The following HDGFL3 variants were observed in gnomAD, a reference collection of about 807,000 sequenced individuals.
The protein encoded by HDGFL3 is HDGF like 3.
HDGFL3 carries 6 observed loss-of-function variants against 27.6 expected under a neutral mutation model. The ratio of observed to expected loss-of-function variants is 0.22; its 90% confidence interval spans 0.12 to 0.43. HDGFL3 has a LOEUF of 0.43. Among genes scored for constraint, HDGFL3 ranks in the 20% least tolerant of loss-of-function variants. HDGFL3 has a pLI of 1.00. For missense variants in HDGFL3, 207 were observed against 250.1 expected (o/e 0.83, Z 1.16); for synonymous variants, 88 against 88.9 (o/e 0.99, Z 0.05).
At chr15:83,145,014 C>T (rs1465804458) in intron 5 of HDGFL3, among the ~76,000 whole-genome samples, 1 of 151,814 alleles carries the variant, frequency 6.6e-6, no homozygotes, top group Non-Finnish European at 1.5e-5. Context: ...TCCTTTCTGT[C>T]TCCTTCTGCT....
chr15:83,183,653 G>C lies in HDGFL3; in HGVS notation c.85-19578C>G, dbSNP rs534267401. ...GCACGCACCTGTAATCAGAGGTTGA[G>C]GCAGAATTGCTTGAACTCAGGAGGC... On this transcript the variant is annotated intron_variant, in intron 1 of 5. Transcript: ENST00000299633. 2.6e-5 allele frequency among the ~76,000 whole-genome samples: 4 copies of C among 152,016 alleles called. No homozygotes were observed. The South Asian group carries it at 8.3e-4, about 32-fold the overall frequency.
Position 83,138,479 on chromosome 15 carries a change from A to G in HDGFL3, c.*791T>C, listed in dbSNP as rs1205287540. The G allele has an allele frequency of 6.6e-6, 1 of 152,602 alleles. No individual in the cohort carries two copies. The highest frequency in any genetic ancestry group is 1.5e-5 in the Non-Finnish European group (1 of 68,006). 9.5% of individuals were successfully genotyped at this position (152,602 alleles called of 1,614,324 possible). On this transcript the variant is annotated 3_prime_UTR_variant, in exon 6 of 6. Transcript: ENST00000299633. ...AAAACAGTTTATTTTAAAAGTCTAC[A>G]TTTAAAAGTCAATGCTTTGTCTGGT...
chr15:83,192,118 T>C (rs766454578), intron 1 of HDGFL3: 2 of 295,170 alleles, frequency 6.8e-6, no homozygotes, highest in African/African-American at 2.3e-5. Flanking sequence ...ATTTTTTGTA[T>C]TTTTGTAGAG....
At chr15:83,174,206 CTCTGAA>C (rs1360919132) in intron 1 of HDGFL3, among the ~76,000 whole-genome samples, 1 of 152,000 alleles carries the variant, frequency 6.6e-6, no homozygotes, top group Non-Finnish European at 1.5e-5. Flanking sequence ...AATTAATTTC[CTCTGAA>C]TCTGTTTTTC....
chr15:83,115,552 G>T, exon 4 of HDGFL3: 2 of 529,236 alleles, frequency 3.8e-6, no homozygotes, highest in Non-Finnish European at 7.2e-6. Flanking sequence ...AGGATGGGTG[G>T]AGTTGGCCTG....
chr15:83,190,569 G>A (rs1463277315), intron 1 of HDGFL3, among the ~76,000 whole-genome samples: 2 of 151,928 alleles, frequency 1.3e-5, no homozygotes, highest in Non-Finnish European at 2.9e-5. Flanking sequence ...ATATTTATAG[G>A]CCTTATGTAT....
In HDGFL3 at chr15:83,134,058, C is replaced by T. The variant is rs1233188809; in HGVS notation, c.*5212G>A. The T allele has an allele frequency of 6.6e-6, 1 of 152,132 alleles. No individual in the cohort carries two copies. The highest frequency in any genetic ancestry group is 2.4e-5 in the African/African-American group (1 of 41,434). The allele number at this position is 152,132 out of a possible 1,614,324, so 9.4% of individuals were successfully genotyped here. On this transcript the variant is annotated 3_prime_UTR_variant, in exon 6 of 6. Coordinates refer to ENST00000299633, the MANE Select transcript of HDGFL3 (RefSeq NM_016073.4). ...CTGAATAAAGAGGCCTACTAAAATA[C>T]ATACAAAACTAGAGAAATGCTTTGT...
exon 4 of HDGFL3, chr15:83,112,997 C>T: frequency 9.5e-7 from 1 of 1,053,068 alleles, no homozygotes; most frequent in Non-Finnish European, 1.5e-6. Flanking sequence ...ATACTCTGAG[C>T]CCTTTGGTAA....
chr15:83,153,240 G>C (rs1469997584), intron 4 of HDGFL3, among the ~76,000 whole-genome samples: 1 of 151,978 alleles, frequency 6.6e-6, no homozygotes, highest in Non-Finnish European at 1.5e-5. Flanking sequence ...GGATGGTCTC[G>C]ATCTCCTGAC....
At chr15:83,176,863 A>G (rs1288501433) in intron 1 of HDGFL3, among the ~76,000 whole-genome samples, 1 of 148,496 alleles carries the variant, frequency 6.7e-6, no homozygotes, top group Non-Finnish European at 1.5e-5. Flanking sequence ...TTAAAAAAAA[A>G]AAGTACAAAA....
At chr15:83,122,092 A>G (rs2035310199) in intron 3 of HDGFL3, 1 of 1,034,584 alleles carries the variant, frequency 9.7e-7, no homozygotes, top group Non-Finnish European at 1.5e-6. Context: ...TTATAATAGA[A>G]CCAAGTGATT....
chr15:83,136,695 T>C lies in HDGFL3; in HGVS notation c.*2575A>G. On this transcript the variant is annotated 3_prime_UTR_variant, in exon 6 of 6. Coordinates refer to ENST00000299633, the MANE Select transcript of HDGFL3 (RefSeq NM_016073.4). ...TAAAAATATTACTTCATGTTCCTCC[T>C]TTCTAAATTACTAACTTTTGTTATA... is the stretch of plus-strand genomic sequence containing the variant. 6.4e-7 allele frequency: 1 copy of C among 1,571,414 alleles called. No individual in the cohort carries two copies. The highest frequency in any genetic ancestry group is 8.6e-7 in the Non-Finnish European group (1 of 1,160,640).
In HDGFL3 at chr15:83,136,556, A is replaced by C; in HGVS notation, c.*2714T>G. On this transcript the variant is annotated 3_prime_UTR_variant, in exon 6 of 6. Coordinates refer to ENST00000299633, the MANE Select transcript of HDGFL3 (RefSeq NM_016073.4). ...CTACAGAGTCCCTGAAGAAGCAAAA[A>C]TCCTTTTTTTAGCATTAAACATAGC... is the stretch of plus-strand genomic sequence containing the variant. 1 of 1,613,838 alleles carries C rather than the reference A, an allele frequency of 6.2e-7. No individual in the cohort carries two copies. The highest frequency in any genetic ancestry group is 8.5e-7 in the Non-Finnish European group (1 of 1,179,896).
intron 5 of HDGFL3, among the ~76,000 whole-genome samples, chr15:83,140,222 CA>C (rs1300810972): frequency 1.4e-4 from 22 of 152,076 alleles, no homozygotes; most frequent in Non-Finnish European, 3.1e-4. Flanking sequence ...AGAGAGTTAC[CA>C]AAACTTCCAT....
rs1300416094 is a variant in HDGFL3 at position 83,132,759 on chromosome 15, T to C, written c.*6511A>G. On this transcript the variant is annotated 3_prime_UTR_variant, in exon 6 of 6. Transcript: ENST00000299633. ...TAAGAAAAATCTGAAAGTAACAGTTTAGGAAGAACACGGATAGTTGGGATA... is the reference window on the plus strand; with the variant it reads ...TAAGAAAAATCTGAAAGTAACAGTTCAGGAAGAACACGGATAGTTGGGATA... 2.0e-5 allele frequency: 3 copies of C among 152,110 alleles called. No homozygotes were observed. Among genetic ancestry groups the C allele is most frequent in the African/African-American group, 2.4e-5 (1 of 41,406 alleles). The allele number at this position is 152,110 out of a possible 1,614,324, so 9.4% of individuals were successfully genotyped here. A position where few individuals can be genotyped will look rare whatever the true frequency, so the allele number is the denominator to read the frequency against.
In HDGFL3 at chr15:83,137,415, T is replaced by C. The variant is rs1326925018; in HGVS notation, c.*1855A>G. 2.6e-5 allele frequency: 4 copies of C among 152,144 alleles called. No homozygotes were observed. Among genetic ancestry groups the C allele is most frequent in the Non-Finnish European group, 5.9e-5 (4 of 67,968 alleles). 9.4% of individuals were successfully genotyped at this position (152,144 alleles called of 1,614,324 possible). ...TTCATATATACACATAAAACGCTTT[T>C]AAAGAAAATTTGTGAGTTGTATATT... On this transcript the variant is annotated 3_prime_UTR_variant, in exon 6 of 6. Transcript: ENST00000299633.
At chr15:83,158,631 A>G (rs1320398888) in intron 2 of HDGFL3, among the ~76,000 whole-genome samples, 1 of 152,196 alleles carries the variant, frequency 6.6e-6, no homozygotes, top group Non-Finnish European at 1.5e-5. Context: ...TGCCTGGGAC[A>G]TGAATCATCC....
At chr15:83,149,041 T>TTA (rs905171187) in intron 5 of HDGFL3, among the ~76,000 whole-genome samples, 15 of 152,186 alleles carry the variant, frequency 9.9e-5, no homozygotes, top group Middle Eastern at 3.4e-3. Flanking sequence ...AACCTTATAT[T>TTA]TATATATATT....
chr15:83,187,299 A>C (rs1410510546), intron 1 of HDGFL3, among the ~76,000 whole-genome samples: 1 of 151,996 alleles, frequency 6.6e-6, no homozygotes, highest in Non-Finnish European at 1.5e-5. Context: ...ATGTTCATAT[A>C]CATAATCATA....
Sources: gnomAD v4.1 joint callset for allele counts (sites outside exome capture counted in the v4.1 genomes callset) on GRCh38, gnomAD v4.1.1 for gene constraint, MANE v1.5 for transcripts, NCBI Gene and HGNC (gene_info 2026-07-23, HGNC 2026-07-21) for gene names.